GRAMD1B: variants seen among roughly 807,000 people sequenced by gnomAD.
GRAMD1B encodes the protein GRAM domain containing 1B.
In GRAMD1B, 37 loss-of-function variants were observed where a neutral mutation model predicts 99.7. The observed-to-expected ratio is 0.37, with a 90% CI of 0.29 to 0.49. GRAMD1B has a LOEUF of 0.49. Ranked by LOEUF, GRAMD1B falls within the 20% of genes least tolerant of loss-of-function variation. The probability of loss-of-function intolerance (pLI) is 0.98; values close to 1 mark genes in which losing one functional copy is unlikely to be tolerated. For synonymous variants in GRAMD1B, 427 were observed against 387.6 expected (o/e 1.10, Z -1.19); for missense variants, 888 against 1,009.2 (o/e 0.88, Z 1.63).
intron 8 of GRAMD1B, among the ~76,000 whole-genome samples, chr11:123,601,515 ATGTGTGTGTGTGTG>A (rs4063751): frequency 2.7e-5 from 4 of 148,920 alleles, no homozygotes; most frequent in Non-Finnish European, 6.0e-5. Flanking sequence ...ATTAATTTTT[ATGTGTGTGTGTGTG>A]TGTGTGTGTG....
At position 123,529,118 on chromosome 11, in the gene GRAMD1B, G is replaced by C. The variant is rs76164196; in HGVS notation, c.452+48225G>C. Among the ~76,000 whole-genome samples, 1,218 of 152,324 alleles carry C rather than the reference G, an allele frequency of 8.0e-3. 16 individuals are homozygous for C. Among genetic ancestry groups the C allele is most frequent in the African/African-American group, 0.028 (1,152 of 41,564 alleles). On this transcript the variant is annotated intron_variant, in intron 2 of 19. Coordinates refer to ENST00000635736, the MANE Select transcript of GRAMD1B (RefSeq NM_001387025.1). ...AAAAAAATTTAAAGGGCAATGCTTT[G>C]GCCTTTTAGGGGCTGGTAGCCTCAC...
At chr11:123,424,525 G>A (rs1380971515) in intron 1 of GRAMD1B, among the ~76,000 whole-genome samples, 1 of 152,098 alleles carries the variant, frequency 6.6e-6, no homozygotes, top group Admixed American at 6.6e-5. Context: ...CCCCTCATTT[G>A]TCCAGCCTCA....
At chr11:123,547,327 C>T (rs561704583) in intron 2 of GRAMD1B, among the ~76,000 whole-genome samples, 1 of 152,324 alleles carries the variant, frequency 6.6e-6, no homozygotes, top group South Asian at 2.1e-4. Flanking sequence ...GCCCTGTGCT[C>T]ACTCCTCCTC....
chr11:123,552,911 G>T (rs1000584916), intron 2 of GRAMD1B, among the ~76,000 whole-genome samples: 1 of 152,064 alleles, frequency 6.6e-6, no homozygotes, highest in African/African-American at 2.4e-5. Flanking sequence ...AGGATATCTT[G>T]GATTAAAGAA....
chr11:123,512,228 C>T (rs780089909), intron 2 of GRAMD1B, among the ~76,000 whole-genome samples: 2 of 152,234 alleles, frequency 1.3e-5, no homozygotes, highest in Non-Finnish European at 2.9e-5. Context: ...AGTTTGCTCT[C>T]TGGTGGGAAC....
rs182256396 is a variant in GRAMD1B, at chr11:123,556,788, G to T, written c.453-20579G>T. ...CGTAAGTTCCGTTTGTGGAAGTCCT[G>T]TTGGCTTTGTTAGGATTGCAGCATG... On this transcript the variant is annotated intron_variant, in intron 2 of 19. Coordinates refer to ENST00000635736, the MANE Select transcript of GRAMD1B (RefSeq NM_001387025.1). Among the ~76,000 whole-genome samples the T allele has an allele frequency of 1.7e-3, 258 of 152,346 alleles. 2 individuals are homozygous for T. Among genetic ancestry groups the T allele is most frequent in the African/African-American group, 6.0e-3 (249 of 41,582 alleles).
chr11:123,593,350 G>T (rs1310249015), intron 4 of GRAMD1B, among the ~76,000 whole-genome samples: 1 of 152,190 alleles, frequency 6.6e-6, no homozygotes, highest in East Asian at 1.9e-4. Flanking sequence ...GCAGTTTCTG[G>T]GTATCATGTT....
chr11:123,374,390 T>C lies in GRAMD1B; in HGVS notation c.-176+15591T>C, dbSNP rs564804695. Reference sequence around the variant, plus strand: ...AATAAACCCTGTCTCTGTTGAACTTTTAACTGCAACCACAGTCCAGAGTTT... The same window carrying C: ...AATAAACCCTGTCTCTGTTGAACTTCTAACTGCAACCACAGTCCAGAGTTT... On this transcript the variant is annotated intron_variant, in intron 1 of 20. Coordinates refer to the GRAMD1B transcript ENST00000638157. Among the ~76,000 whole-genome samples, 3 of 152,296 alleles carry C rather than the reference T, an allele frequency of 2.0e-5. No homozygotes were observed. In the South Asian group the frequency reaches 6.2e-4, roughly 32 times the overall value.
At chr11:123,517,638 C>T (rs755703343) in intron 2 of GRAMD1B, among the ~76,000 whole-genome samples, 23 of 147,082 alleles carry the variant, frequency 1.6e-4, no homozygotes, top group Non-Finnish European at 3.1e-4. Context: ...AACCACAATA[C>T]ACACCACCGG....
intron 1 of GRAMD1B, among the ~76,000 whole-genome samples, chr11:123,413,072 G>C (rs549489534): frequency 6.6e-6 from 1 of 152,054 alleles, no homozygotes. Flanking sequence ...GTGAGCCACC[G>C]CACCCAGCCT....
At chr11:123,361,153 G>A (rs911957748) in intron 1 of GRAMD1B, among the ~76,000 whole-genome samples, 1 of 152,070 alleles carries the variant, frequency 6.6e-6, no homozygotes, top group Non-Finnish European at 1.5e-5. Flanking sequence ...ATTTGTCCCT[G>A]CCATCTCCTT....
In GRAMD1B at chr11:123,591,495, C is replaced by T. The variant is rs1381449339; in HGVS notation, c.685-2587C>T. On this transcript the variant is annotated intron_variant, in intron 4 of 19. Coordinates refer to ENST00000635736, the MANE Select transcript of GRAMD1B (RefSeq NM_001387025.1). The surrounding 1 kb of genome is among the most constrained non-coding windows in gnomAD (Gnocchi z 4.7). Reference sequence around the variant, plus strand: ...CTGAAGCAGCTTGGCCATGCACCTGCTGCCGCTGAACACCGTTGCTGGCAC... The same window carrying T: ...CTGAAGCAGCTTGGCCATGCACCTGTTGCCGCTGAACACCGTTGCTGGCAC... The T allele has an allele frequency of 2.5e-6, 1 of 398,940 alleles. No individual in the cohort carries two copies. The highest frequency in any genetic ancestry group is 2.1e-5 in the African/African-American group (1 of 48,638). The allele number at this position is 398,940 out of a possible 1,614,324, so 24.7% of individuals were successfully genotyped here. A position where few individuals can be genotyped will look rare whatever the true frequency, so the allele number is the denominator to read the frequency against.
At chr11:123,608,390 A>G in intron 11 of GRAMD1B, 2 of 1,010,210 alleles carry the variant, frequency 2.0e-6, no homozygotes, top group Non-Finnish European at 2.8e-6. Flanking sequence ...GAAAGTGTAA[A>G]AGCAAATCGT....
At chr11:123,446,179 T>A (rs561393636) in intron 1 of GRAMD1B, among the ~76,000 whole-genome samples, 61 of 152,064 alleles carry the variant, frequency 4.0e-4, no homozygotes, top group African/African-American at 8.9e-4. Flanking sequence ...TATTATTATT[T>A]TTTTTAGATG....
chr11:123,390,573 C>T (rs77557492), intron 1 of GRAMD1B, among the ~76,000 whole-genome samples: 18 of 152,220 alleles, frequency 1.2e-4, no homozygotes, highest in South Asian at 4.1e-4. Flanking sequence ...GGGTCAAATC[C>T]GTGTGTAATT....
At chr11:123,502,963 G>A (rs77578479) in intron 2 of GRAMD1B, among the ~76,000 whole-genome samples, 4,277 of 152,208 alleles carry the variant, frequency 0.028, 201 homozygotes, top group African/African-American at 0.097. Context: ...ATGTGATCCC[G>A]TGGCTGACTG....
At chr11:123,483,225 C>T (rs376834663) in intron 2 of GRAMD1B, among the ~76,000 whole-genome samples, 4 of 152,042 alleles carry the variant, frequency 2.6e-5, no homozygotes, top group East Asian at 1.9e-4. Flanking sequence ...GAACTGAGAA[C>T]GAAGTGACTA....
chr11:123,487,273 G>C (rs1279948963), intron 2 of GRAMD1B, among the ~76,000 whole-genome samples: 2 of 152,294 alleles, frequency 1.3e-5, no homozygotes, highest in African/African-American at 4.8e-5. Context: ...GTGAGGGCAG[G>C]GGTGGGAGGG....
intron 1 of GRAMD1B, among the ~76,000 whole-genome samples, chr11:123,417,525 A>T (rs1187417719): frequency 1.3e-5 from 2 of 152,362 alleles, no homozygotes; most frequent in East Asian, 3.9e-4. Context: ...ACACTGGGGG[A>T]GACCAAGCAA....
Sources: gnomAD v4.1 joint callset for allele counts (sites outside exome capture counted in the v4.1 genomes callset) on GRCh38, gnomAD v4.1.1 for gene constraint, Gnocchi (gnomAD v3.1) non-coding constraint, MANE v1.5 for transcripts, NCBI Gene and HGNC (gene_info 2026-07-23, HGNC 2026-07-21) for gene names.